The following CRTC3 variants were observed in gnomAD, a reference collection of about 807,000 sequenced individuals.
CRTC3 encodes CREB-regulated transcription coactivator 3.
CRTC3 carries 26 observed loss-of-function variants against 74.5 expected under a neutral mutation model. The ratio of observed to expected loss-of-function variants is 0.35; its 90% CI spans 0.26 to 0.48. The LOEUF (loss-of-function observed/expected upper bound fraction) is 0.48. Ranked by LOEUF, CRTC3 falls within the 20% of genes least tolerant of loss-of-function variation. CRTC3 has a pLI of 0.99. For synonymous variants in CRTC3, 377 were observed against 325.8 expected, an observed-to-expected ratio of 1.16 and a Z score of -1.69; for missense variants, 760 against 787.3, an observed-to-expected ratio of 0.97 and a Z score of 0.41.
intron 2 of CRTC3, among the ~76,000 whole-genome samples, chr15:90,561,249 C>A (rs117252078): frequency 7.2e-5 from 11 of 152,302 alleles, no homozygotes; most frequent in Non-Finnish European, 1.0e-4. Flanking sequence ...CTCCCTGTTG[C>A]AGCCTTCTAA....
chr15:90,612,489 C>G (rs1031467593), intron 6 of CRTC3, among the ~76,000 whole-genome samples: 1 of 152,050 alleles, frequency 6.6e-6, no homozygotes, highest in Non-Finnish European at 1.5e-5. Flanking sequence ...CTGCCAGCCA[C>G]TCAGGCAGTT....
At chr15:90,565,151 T>C (rs1967096707) in intron 2 of CRTC3, among the ~76,000 whole-genome samples, 1 of 152,192 alleles carries the variant, frequency 6.6e-6, no homozygotes, top group Non-Finnish European at 1.5e-5. Context: ...TTTCTCCATG[T>C]TGGTCAGGCT....
chr15:90,615,732 T>G (rs1968475440), intron 7 of CRTC3, among the ~76,000 whole-genome samples: 3 of 152,226 alleles, frequency 2.0e-5, no homozygotes, highest in African/African-American at 7.2e-5. Context: ...AACCATGTTC[T>G]TATAACCAAC....
At chr15:90,612,049 TCCTCCTCCGCCTCCA>T (rs1296145900) in intron 6 of CRTC3, among the ~76,000 whole-genome samples, 8 of 123,208 alleles carry the variant, frequency 6.5e-5, no homozygotes, top group African/African-American at 1.8e-4. Flanking sequence ...CTCCTCCTCC[TCCTCCTCCGCCTCCA>T]CCTCCTCCTC....
chr15:90,629,670 G>A lies in CRTC3; in HGVS notation c.1266+138G>A, dbSNP rs143409892. ...ATGAGGTCTCAAGTGCAGTCTGTTC[G>A]CTCTTATATGTGAAATCAGAGCAGA... On this transcript the variant is annotated intron_variant, in intron 11 of 14. Transcript: ENST00000268184. 150 of 716,260 alleles carry A rather than the reference G, an allele frequency of 2.1e-4. No homozygotes were observed. The African/African-American group carries it at 2.1e-3, about 10-fold the overall frequency. 44.4% of individuals were successfully genotyped at this position (716,260 alleles called of 1,614,324 possible).
At chr15:90,567,691 A>AAATAAATAAATAAAT (rs1967157274) in intron 2 of CRTC3, among the ~76,000 whole-genome samples, 5 of 145,680 alleles carry the variant, frequency 3.4e-5, no homozygotes, top group South Asian at 2.2e-4. Flanking sequence ...TCCGTCTCAA[A>AAATAAATAAATAAAT]AAATAAATAA....
chr15:90,613,473 T>C (rs28546342), intron 6 of CRTC3, among the ~76,000 whole-genome samples: 2,595 of 152,248 alleles, frequency 0.017, 71 homozygotes, highest in African/African-American at 0.059. Context: ...CTTCTACCTG[T>C]GTTATAGAAT....
In CRTC3 at chr15:90,619,932, C is replaced by A. The variant is rs542709490; in HGVS notation, c.749+142C>A. ...GTCAACTGCATTTTCATAAAAACAG[C>A]CACTCTCTTTTGATACTCATATTTC... On this transcript the variant is annotated intron_variant, in intron 9 of 14. Coordinates refer to ENST00000268184, the MANE Select transcript of CRTC3 (RefSeq NM_022769.5). 14 of 670,618 alleles carry A rather than the reference C, an allele frequency of 2.1e-5. No homozygotes were observed. The South Asian group carries it at 2.3e-4, about 11-fold the overall frequency. The allele number at this position is 670,618 out of a possible 1,614,324, so 41.5% of individuals were successfully genotyped here. A position where few individuals can be genotyped will look rare whatever the true frequency, so the allele number is the denominator to read the frequency against.
At position 90,530,349 on chromosome 15, in the gene CRTC3, G is replaced by C. The variant is rs1966605617; in HGVS notation, c.132+146G>C. ...CGGCGGCTGGGAGGGGGACCGGAGC[G>C]GCCGCGGCCTCGGCGTTTCCCCGCC... On this transcript the variant is annotated intron_variant, in intron 1 of 14. Coordinates refer to ENST00000268184, the MANE Select transcript of CRTC3 (RefSeq NM_022769.5). The surrounding 1 kb of genome is among the most constrained non-coding windows in gnomAD (Gnocchi z 6.2). 3.0e-6 allele frequency: 1 copy of C among 332,824 alleles called. No homozygotes were observed. Among genetic ancestry groups the C allele is most frequent in the Non-Finnish European group, 4.3e-6 (1 of 233,148 alleles). The allele number at this position is 332,824 out of a possible 1,614,324, so 20.6% of individuals were successfully genotyped here. A position where few individuals can be genotyped will look rare whatever the true frequency, so the allele number is the denominator to read the frequency against.
intron 2 of CRTC3, among the ~76,000 whole-genome samples, chr15:90,566,767 A>G (rs57388230): frequency 4.7e-5 from 7 of 148,136 alleles, no homozygotes; most frequent in South Asian, 2.1e-4. Context: ...CTGGAGTGCA[A>G]TGACACAATC....
chr15:90,627,746 C>G (rs774981729), intron 10 of CRTC3, among the ~76,000 whole-genome samples: 2 of 150,910 alleles, frequency 1.3e-5, no homozygotes, highest in Non-Finnish European at 3.0e-5. Context: ...CTCAGCCTCC[C>G]CAGTAGCTGG....
In CRTC3 at chr15:90,540,114, C is replaced by T. The variant is rs780277574; in HGVS notation, c.208C>T (p.Arg70Trp). ...ATCCTTACCAAATGTGAGCCAGCTG[C>T]GGAGCAGTGCGTCAGAGTTTCAGGT... is the stretch of plus-strand genomic sequence containing the variant. Reference protein sequence around the residue: ...GGSLPNVSQLRSSASEFQPSF... With the variant: ...GGSLPNVSQLWSSASEFQPSF... Residue 70 changes from arginine (R) to tryptophan (W), a missense_variant, in exon 2 of 15, where the codon CGG (arginine) becomes TGG (tryptophan). Arg to Trp is a moderately radical substitution (Grantham distance 101). Around this residue, in one of 2 missense-constraint regions of CRTC3, gnomAD observed 108 missense variants for 152.1 expected, o/e 0.71. Transcript: ENST00000268184. 6.2e-6 allele frequency: 10 copies of T among 1,612,276 alleles called. No individual in the cohort carries two copies. The highest frequency in any genetic ancestry group is 2.2e-5 in the South Asian group (2 of 90,856).
intron 11 of CRTC3, among the ~76,000 whole-genome samples, chr15:90,635,743 G>T (rs999109718): frequency 1.3e-5 from 2 of 149,128 alleles, no homozygotes; most frequent in Non-Finnish European, 3.0e-5. Context: ...GGCATATCAG[G>T]ATTCCGGCAT....
chr15:90,628,940 T>A (rs531165045), intron 10 of CRTC3, among the ~76,000 whole-genome samples: 1 of 152,266 alleles, frequency 6.6e-6, no homozygotes, highest in East Asian at 1.9e-4. Flanking sequence ...CCTGGAATAT[T>A]TGCCTCTGTT....
intron 2 of CRTC3, among the ~76,000 whole-genome samples, chr15:90,552,693 G>A (rs1353768677): frequency 6.6e-6 from 1 of 152,166 alleles, no homozygotes; most frequent in African/African-American, 2.4e-5. Context: ...GTGAAGTGGG[G>A]ATTATAATAG....
intron 2 of CRTC3, among the ~76,000 whole-genome samples, chr15:90,550,448 G>T (rs199542946): frequency 3.5e-5 from 5 of 142,746 alleles, no homozygotes; most frequent in African/African-American, 7.8e-5. Context: ...TCCTTTGCCT[G>T]TTTTTTTTTT....
intron 10 of CRTC3, 87 bp downstream of exon 10, chr15:90,626,080 A>G: frequency 2.1e-6 from 2 of 950,596 alleles, no homozygotes; most frequent in Non-Finnish European, 3.5e-6. Context: ...TCATTGAATG[A>G]GAATGACTGC....
rs11294553 is a variant in CRTC3 at position 90,641,685 on chromosome 15, C to CAAAAAAAAAAAA, written c.1652-245_1652-234dup. On this transcript the variant is annotated intron_variant, in intron 14 of 14. Coordinates refer to ENST00000268184, the MANE Select transcript of CRTC3 (RefSeq NM_022769.5). ...GTACTCCAGCCTGGGCAACAGTCTC[C>CAAAAAAAAAAAA]AAAAAAAAAAAAAGATTTCATCTTA... Among the ~76,000 whole-genome samples the CAAAAAAAAAAAA allele has an allele frequency of 7.5e-3, 993 of 132,566 alleles. 16 individuals are homozygous for CAAAAAAAAAAAA. Among genetic ancestry groups the CAAAAAAAAAAAA allele is most frequent in the African/African-American group, 0.026 (939 of 35,760 alleles). 87.0% of individuals were successfully genotyped at this position (132,566 alleles called of 152,430 possible). A position where few individuals can be genotyped will look rare whatever the true frequency, so the allele number is the denominator to read the frequency against.
intron 1 of CRTC3, among the ~76,000 whole-genome samples, chr15:90,537,431 T>C (rs1265023806): frequency 2.0e-5 from 3 of 152,240 alleles, no homozygotes; most frequent in Non-Finnish European, 4.4e-5. Flanking sequence ...TCGCCCAGGC[T>C]GGAGTGCAAT....
Sources: allele counts gnomAD v4.1 joint callset (sites outside exome capture counted in the v4.1 genomes callset), GRCh38; gene constraint gnomAD v4.1.1; regional missense constraint gnomAD v4.1.1; non-coding constraint Gnocchi (gnomAD v3.1); transcripts MANE v1.5; gene names NCBI Gene and HGNC (gene_info 2026-07-23, HGNC 2026-07-21).